Variants in LRP1B observed in about 807,000 individuals in gnomAD.
LRP1B encodes low-density lipoprotein receptor-related protein 1B.
A neutral mutation model predicts 556.6 loss-of-function variants in LRP1B; 217 were observed. The ratio of observed to expected loss-of-function variants is 0.39; its 90% CI spans 0.35 to 0.44. LRP1B has a LOEUF of 0.44. Ranked by LOEUF, LRP1B falls within the 20% of genes least tolerant of loss-of-function variation. LRP1B has a pLI of 1.00. For missense variants in LRP1B, 5,053 were observed against 5,620.8 expected (o/e 0.90, Z 3.23); for synonymous variants, 2,047 against 1,865.8 (o/e 1.10, Z -2.50).
intron 2 of LRP1B, among the ~76,000 whole-genome samples, chr2:141,646,729 C>T (rs903177892): frequency 2.4e-4 from 37 of 152,124 alleles, no homozygotes; most frequent in Non-Finnish European, 4.4e-4. Flanking sequence ...TCTTCTTCAG[C>T]TCTAAAATTC....
At chr2:141,107,798 G>T (rs1384616826) in intron 7 of LRP1B, among the ~76,000 whole-genome samples, 2 of 151,998 alleles carry the variant, frequency 1.3e-5, no homozygotes, top group African/African-American at 4.8e-5. Flanking sequence ...TCTGCTTGTG[G>T]CTGTAACTGA....
intron 3 of LRP1B, among the ~76,000 whole-genome samples, chr2:141,376,273 G>A (rs555809631): frequency 1.5e-4 from 23 of 152,262 alleles, no homozygotes; most frequent in Non-Finnish European, 2.8e-4. Flanking sequence ...AGCCCCCAGT[G>A]AGTCTAGGGT....
intron 22 of LRP1B, among the ~76,000 whole-genome samples, chr2:140,906,484 A>G (rs1224716769): frequency 1.3e-5 from 2 of 152,154 alleles, no homozygotes; most frequent in African/African-American, 4.8e-5. Flanking sequence ...AAGATGGGGA[A>G]GAGGGAGAAA....
At chr2:141,066,051 A>AT (rs1195863580) in intron 7 of LRP1B, among the ~76,000 whole-genome samples, 1 of 151,966 alleles carries the variant, frequency 6.6e-6, no homozygotes, top group African/African-American at 2.4e-5. Flanking sequence ...TTCTACATTT[A>AT]TTTTTAAATG....
At chr2:141,923,511 G>T in intron 1 of LRP1B, among the ~76,000 whole-genome samples, 1 of 144,392 alleles carries the variant, frequency 6.9e-6, no homozygotes, top group South Asian at 2.2e-4. Flanking sequence ...GAGGGGGAGA[G>T]AGAGAGAGAG....
chr2:141,111,106 C>T (rs1188812776), intron 7 of LRP1B, among the ~76,000 whole-genome samples: 1 of 151,782 alleles, frequency 6.6e-6, no homozygotes, highest in African/African-American at 2.4e-5. Context: ...ATACCACAGT[C>T]AAAACACCTC....
intron 3 of LRP1B, among the ~76,000 whole-genome samples, chr2:141,385,425 G>C (rs1689795073): frequency 6.6e-6 from 1 of 152,092 alleles, no homozygotes; most frequent in African/African-American, 2.4e-5. Flanking sequence ...AATCATTTTG[G>C]ATAAGGTACA....
chr2:140,571,847 GT>G (rs1681334017), intron 43 of LRP1B, among the ~76,000 whole-genome samples: 1 of 151,710 alleles, frequency 6.6e-6, no homozygotes, highest in Non-Finnish European at 1.5e-5. Context: ...ATAAAGTTAT[GT>G]TTTTACAGCC....
chr2:140,924,521 G>C (rs1694831108), intron 20 of LRP1B, among the ~76,000 whole-genome samples: 1 of 152,000 alleles, frequency 6.6e-6, no homozygotes, highest in Non-Finnish European at 1.5e-5. Flanking sequence ...TGCTTGTGCA[G>C]TAATGCTGAA....
chr2:141,535,482 C>T (rs1685041169), intron 2 of LRP1B, among the ~76,000 whole-genome samples: 2 of 151,904 alleles, frequency 1.3e-5, no homozygotes, highest in East Asian at 3.9e-4. Context: ...CTCCTATGAG[C>T]TTTTTCTACC....
chr2:141,586,738 C>T (rs956332886), intron 2 of LRP1B, among the ~76,000 whole-genome samples: 3 of 151,872 alleles, frequency 2.0e-5, no homozygotes, highest in African/African-American at 4.8e-5. Flanking sequence ...GTCAGGAGAT[C>T]GAGACCATCC....
intron 3 of LRP1B, among the ~76,000 whole-genome samples, chr2:141,467,841 G>GGGC (rs1465654559): frequency 9.4e-6 from 1 of 106,296 alleles, no homozygotes; most frequent in Non-Finnish European, 1.9e-5. Context: ...TTGCGGACCG[G>GGGC]GGGGGGGGGA....
chr2:140,868,094 TA>T lies in LRP1B; in HGVS notation c.4334+4del. ...AAAATACAGAAAAGAGATGATTTTT[TA>T]AACCTGGCGTCTGTCCACACTATCC... On this transcript the variant is annotated splice_donor_region_variant and intron_variant, in intron 26 of 90. Coordinates refer to ENST00000389484, the MANE Select transcript of LRP1B (RefSeq NM_018557.3). The T allele has an allele frequency of 6.4e-7, 1 of 1,574,256 alleles. No individual in the cohort carries two copies. Among genetic ancestry groups the T allele is most frequent in the South Asian group, 1.2e-5 (1 of 83,688 alleles).
At chr2:141,498,193 G>T (rs986069264) in intron 2 of LRP1B, among the ~76,000 whole-genome samples, 1 of 151,874 alleles carries the variant, frequency 6.6e-6, no homozygotes, top group South Asian at 2.1e-4. Flanking sequence ...TGCTGAAAAG[G>T]ACTAGTGGAG....
At chr2:141,228,057 G>T (rs2105290621) in intron 6 of LRP1B, among the ~76,000 whole-genome samples, 1 of 152,164 alleles carries the variant, frequency 6.6e-6, no homozygotes, top group Middle Eastern at 3.4e-3. Flanking sequence ...CTCCCAAGTA[G>T]CTGGGATTAA....
intron 7 of LRP1B, among the ~76,000 whole-genome samples, chr2:141,096,900 A>G (rs764550367): frequency 1.3e-5 from 2 of 152,196 alleles, no homozygotes; most frequent in African/African-American, 2.4e-5. Context: ...CACATGAAGT[A>G]AGGTCAGAAA....
intron 47 of LRP1B, among the ~76,000 whole-genome samples, chr2:140,528,785 A>C (rs967534870): frequency 6.6e-6 from 1 of 152,116 alleles, no homozygotes; most frequent in African/African-American, 2.4e-5. Flanking sequence ...GGAAAAAAAA[A>C]ATCTACAGAA....
chr2:140,806,057 G>C (rs997639498), intron 32 of LRP1B, among the ~76,000 whole-genome samples: 3 of 123,864 alleles, frequency 2.4e-5, no homozygotes, highest in South Asian at 2.7e-4. Context: ...GATCCCCAGA[G>C]AGCTCTTTCT....
At chr2:141,335,918 T>C (rs1230998974) in intron 3 of LRP1B, among the ~76,000 whole-genome samples, 1 of 152,082 alleles carries the variant, frequency 6.6e-6, no homozygotes, top group Non-Finnish European at 1.5e-5. Context: ...AGTGCATTTG[T>C]TATTGATTGA....
Sources: gnomAD v4.1 joint callset for allele counts (sites outside exome capture counted in the v4.1 genomes callset) on GRCh38, gnomAD v4.1.1 for gene constraint, MANE v1.5 for transcripts, NCBI Gene and HGNC (gene_info 2026-07-23, HGNC 2026-07-21) for gene names.